Variants in GLDC observed in about 807,000 individuals in gnomAD.
The protein encoded by GLDC is glycine decarboxylase.
In GLDC, 104 loss-of-function variants were observed where a neutral mutation model predicts 121.3. That is an observed-to-expected ratio of 0.86 (90% confidence interval 0.73 to 1.01). The LOEUF is 1.01. Among genes scored for constraint, GLDC ranks in the 50% least tolerant of loss-of-function variants. The pLI is 0.00. For synonymous variants in GLDC, 546 were observed against 480.6 expected (o/e 1.14, Z -1.78); for missense variants, 1,429 against 1,306.6 (o/e 1.09, Z -1.44).
chr9:6,543,158 C>G (rs1173679214), intron 21 of GLDC, among the ~76,000 whole-genome samples: 1 of 151,970 alleles, frequency 6.6e-6, no homozygotes, highest in African/African-American at 2.4e-5. Flanking sequence ...ATCTGTAGTT[C>G]CAGCTACTTG....
chr9:6,562,491 T>C (rs960460443), intron 16 of GLDC, among the ~76,000 whole-genome samples: 1 of 152,188 alleles, frequency 6.6e-6, no homozygotes, highest in Admixed American at 6.5e-5. Flanking sequence ...ATCAGTGATG[T>C]GAAAAAATCT....
intron 17 of GLDC, among the ~76,000 whole-genome samples, chr9:6,556,899 G>A (rs1024103743): frequency 2.6e-5 from 4 of 152,094 alleles, no homozygotes; most frequent in Admixed American, 6.5e-5. Context: ...GGATATTTTG[G>A]GCCCAACTCT....
At chr9:6,622,914 A>C (rs76147741) in intron 2 of GLDC, 1 of 202,380 alleles carries the variant, frequency 4.9e-6, no homozygotes, top group Non-Finnish European at 1.0e-5. Flanking sequence ...GGATGTGAGG[A>C]GCACCTCTGC....
At chr9:6,554,904 A>G (rs1360871683) in intron 18 of GLDC, 123 bp from the exon 19 acceptor site, 6 of 750,602 alleles carry the variant, frequency 8.0e-6, no homozygotes, top group East Asian at 2.7e-5. Context: ...AGCCACATCC[A>G]TGGTGTTCAC....
At chr9:6,590,640 G>A (rs1818357690) in intron 11 of GLDC, among the ~76,000 whole-genome samples, 1 of 152,148 alleles carries the variant, frequency 6.6e-6, no homozygotes, top group Non-Finnish European at 1.5e-5. Context: ...AGCACAGCCT[G>A]CAGAAACATG....
rs985732888 is a variant in GLDC at position 6,564,363 on chromosome 9, CCT to C, written c.1926+989_1926+990del. On this transcript the variant is annotated intron_variant, in intron 16 of 24. Coordinates refer to ENST00000321612, the MANE Select transcript of GLDC (RefSeq NM_000170.3). Reference sequence around the variant, plus strand: ...GGGAAAAAAATGTTCCTTCGTTTCCCCTGTTATGAAAGGGAAGTGAAACACTT... The same window carrying C: ...GGGAAAAAAATGTTCCTTCGTTTCCCGTTATGAAAGGGAAGTGAAACACTT... Among the ~76,000 whole-genome samples, 7 of 152,262 alleles carry C rather than the reference CCT, an allele frequency of 4.6e-5. No homozygotes were observed. The East Asian group carries it at 1.2e-3, about 25-fold the overall frequency.
chr9:6,596,960 T>A (rs2129867429), intron 8 of GLDC, among the ~76,000 whole-genome samples: 1 of 152,346 alleles, frequency 6.6e-6, no homozygotes, highest in Middle Eastern at 3.4e-3. Flanking sequence ...CAGGCTTATT[T>A]GAAACACCCC....
intron 21 of GLDC, among the ~76,000 whole-genome samples, chr9:6,545,980 C>A (rs1280637098): frequency 6.6e-6 from 1 of 152,136 alleles, no homozygotes; most frequent in Non-Finnish European, 1.5e-5. Context: ...ATTTTTTAAA[C>A]CTTTCTGACT....
intron 3 of GLDC, among the ~76,000 whole-genome samples, chr9:6,617,340 TA>T (rs1818985812): frequency 6.6e-6 from 1 of 152,164 alleles, no homozygotes; most frequent in Admixed American, 6.5e-5. Flanking sequence ...GCTCCTACGG[TA>T]AATTAACATC....
At chr9:6,618,062 C>T (rs1362945909) in intron 3 of GLDC, among the ~76,000 whole-genome samples, 1 of 152,194 alleles carries the variant, frequency 6.6e-6, no homozygotes, top group Non-Finnish European at 1.5e-5. Flanking sequence ...ACCTCTTCCA[C>T]AAACTAACTT....
intron 3 of GLDC, among the ~76,000 whole-genome samples, chr9:6,617,921 TAAGTA>T (rs1368196446): frequency 6.6e-6 from 1 of 152,346 alleles, no homozygotes; most frequent in African/African-American, 2.4e-5. Flanking sequence ...TGCATTCCCT[TAAGTA>T]AAGTTGGTTT....
At chr9:6,645,078 G>T (rs1239942078) in intron 1 of GLDC, among the ~76,000 whole-genome samples, 167 bp downstream of exon 1, 3 of 152,222 alleles carry the variant, frequency 2.0e-5, no homozygotes, top group South Asian at 2.1e-4. Context: ...AAGTAAGAAG[G>T]CACGAGGACC....
chr9:6,553,630 A>T, intron 19 of GLDC, 121 bp from the exon 20 acceptor site: 1 of 885,038 alleles, frequency 1.1e-6, no homozygotes, highest in Non-Finnish European at 1.9e-6. Context: ...AGTGGAAGGG[A>T]CTCTCCACCT....
chr9:6,643,749 CG>C (rs1222980938), intron 2 of GLDC, among the ~76,000 whole-genome samples: 2 of 151,854 alleles, frequency 1.3e-5, no homozygotes, highest in Non-Finnish European at 2.9e-5. Context: ...AAAAACCATT[CG>C]GGGTAGGGCA....
chr9:6,631,876 A>G lies in GLDC; in HGVS notation c.335-11557T>C, dbSNP rs371245003. Reference sequence around the variant, plus strand: ...GAACCCAGGAGTTTGAGACCAGCCTAGGCAACACAGCAAGACCCCCGTCTC... The same window carrying G: ...GAACCCAGGAGTTTGAGACCAGCCTGGGCAACACAGCAAGACCCCCGTCTC... On this transcript the variant is annotated intron_variant, in intron 2 of 24. Coordinates refer to ENST00000321612, the MANE Select transcript of GLDC (RefSeq NM_000170.3). 2.1e-4 allele frequency among the ~76,000 whole-genome samples: 32 copies of G among 152,296 alleles called. No homozygotes were observed. The East Asian group carries it at 4.8e-3, about 23-fold the overall frequency.
Position 6,557,024 on chromosome 9 carries a change from C to T in GLDC, c.2053-722G>A, listed in dbSNP as rs114935216. 7.0e-3 allele frequency among the ~76,000 whole-genome samples: 1,071 copies of T among 152,218 alleles called. 10 individuals are homozygous for T. Among genetic ancestry groups the T allele is most frequent in the African/African-American group, 0.024 (1,010 of 41,524 alleles). On this transcript the variant is annotated intron_variant, in intron 17 of 24. Coordinates refer to ENST00000321612, the MANE Select transcript of GLDC (RefSeq NM_000170.3). ...TCTGCTCATCTTCTCATATCCATTC[C>T]TTTCCCTTGCCTTCTGTTGAAGTTA...
intron 2 of GLDC, among the ~76,000 whole-genome samples, chr9:6,627,902 T>C (rs1819279306): frequency 6.6e-6 from 1 of 152,186 alleles, no homozygotes; most frequent in African/African-American, 2.4e-5. Flanking sequence ...TCATGAAATA[T>C]CACTTTGGCC....
chr9:6,582,352 C>G (rs1386816170), intron 15 of GLDC, among the ~76,000 whole-genome samples: 1 of 150,412 alleles, frequency 6.6e-6, no homozygotes, highest in Non-Finnish European at 1.5e-5. Flanking sequence ...AACCCTGTCT[C>G]TACTAAAAAT....
At position 6,554,743 on chromosome 9, in the gene GLDC, G is replaced by A. The variant is rs375733985; in HGVS notation, c.2241C>T (p.Val747=). ...ICRPGDFGSD[V]SHLNLHKTFC... ...AGGTCTTGTGAAGATTTAGGTGCGA[G>A]ACATCAGACCCGAAGTCTCCAGGGC... Residue 747 remains valine (V), a synonymous_variant, in exon 19 of 25, where the codon GTC becomes GTT. Transcript: ENST00000321612. 3 of 1,613,538 alleles carry A rather than the reference G, an allele frequency of 1.9e-6. No homozygotes were observed. The highest frequency in any genetic ancestry group is 2.5e-6 in the Non-Finnish European group (3 of 1,179,926).
Sources: allele counts gnomAD v4.1 joint callset (sites outside exome capture counted in the v4.1 genomes callset), GRCh38; gene constraint gnomAD v4.1.1; transcripts MANE v1.5; gene names NCBI Gene and HGNC (gene_info 2026-07-23, HGNC 2026-07-21).